RARB: variants seen among roughly 807,000 people sequenced by gnomAD.
RARB encodes HBV-activated protein.
A neutral mutation model predicts 51.9 loss-of-function variants in RARB; 17 were observed. The ratio of observed to expected loss-of-function variants is 0.33; its 90% CI spans 0.22 to 0.49. RARB has a LOEUF of 0.49. RARB is among the 20% of genes least tolerant of loss of function. RARB has a pLI of 0.99. For synonymous variants in RARB, 215 were observed against 195.4 expected, an observed-to-expected ratio of 1.10 and a Z score of -0.84; for missense variants, 369 against 550.8, an observed-to-expected ratio of 0.67 and a Z score of 3.30.
rs565670632 is a variant in RARB, at chr3:25,597,759, T to C, written c.*1143T>C. On this transcript the variant is annotated 3_prime_UTR_variant, in exon 8 of 8. Coordinates refer to ENST00000330688, the MANE Select transcript of RARB (RefSeq NM_000965.5). ...ACAAGTGTCAGTTTCTTAGTTCTCA[T>C]TTAAGCACTAGTGGAATTTTTTTTT... The C allele has an allele frequency of 6.7e-6, 1 of 149,128 alleles. No individual in the cohort carries two copies. Among genetic ancestry groups the C allele is most frequent in the Non-Finnish European group, 1.5e-5 (1 of 67,310 alleles). 9.2% of individuals were successfully genotyped at this position (149,128 alleles called of 1,614,324 possible). A position where few individuals can be genotyped will look rare whatever the true frequency, so the allele number is the denominator to read the frequency against.
intron 3 of RARB, among the ~76,000 whole-genome samples, chr3:25,505,129 A>G (rs1157782471): frequency 1.3e-5 from 2 of 152,072 alleles, no homozygotes; most frequent in Non-Finnish European, 2.9e-5. Flanking sequence ...TAACAACCCT[A>G]TGAGATAGAT....
At chr3:25,003,827 C>G (rs1575114376) in intron 2 of RARB, among the ~76,000 whole-genome samples, 2 of 152,138 alleles carry the variant, frequency 1.3e-5, no homozygotes, top group South Asian at 4.1e-4. Context: ...AGTTTACTTC[C>G]ATTTTCACTG....
chr3:25,594,032 C>T (rs1158869976), intron 6 of RARB, among the ~76,000 whole-genome samples: 1 of 152,148 alleles, frequency 6.6e-6, no homozygotes, highest in South Asian at 2.1e-4. Flanking sequence ...CTTGTATGTG[C>T]TGTTTGTTAT....
chr3:24,933,278 A>G (rs921523901), intron 2 of RARB, among the ~76,000 whole-genome samples: 5 of 147,086 alleles, frequency 3.4e-5, no homozygotes, highest in African/African-American at 4.9e-5. Flanking sequence ...ATATTTCACT[A>G]TACATTTTTT....
intron 5 of RARB, among the ~76,000 whole-genome samples, chr3:25,386,134 CACAA>C (rs1287425798): frequency 1.3e-5 from 2 of 152,106 alleles, no homozygotes; most frequent in Admixed American, 1.3e-4. Flanking sequence ...ACACCAGGGA[CACAA>C]ACAGAGCTGT....
chr3:25,430,732 T>C (rs765768918), intron 1 of RARB, among the ~76,000 whole-genome samples: 18 of 152,312 alleles, frequency 1.2e-4, no homozygotes, highest in Non-Finnish European at 2.4e-4. Context: ...GAAACTTGCA[T>C]TAGACAAAGT....
intron 5 of RARB, among the ~76,000 whole-genome samples, chr3:25,201,578 A>G (rs1388149744): frequency 6.6e-6 from 1 of 152,162 alleles, no homozygotes; most frequent in African/African-American, 2.4e-5. Flanking sequence ...TGTCATAAAT[A>G]GCTCTTATTA....
intron 3 of RARB, among the ~76,000 whole-genome samples, chr3:25,566,671 G>A (rs939094312): frequency 6.6e-6 from 1 of 152,078 alleles, no homozygotes; most frequent in Non-Finnish European, 1.5e-5. Flanking sequence ...CCTCTCTCCT[G>A]GTAACCCTCT....
intron 5 of RARB, among the ~76,000 whole-genome samples, chr3:25,380,265 G>T (rs545795495): frequency 6.6e-6 from 1 of 152,102 alleles, no homozygotes; most frequent in South Asian, 2.1e-4. Flanking sequence ...CCAGCCCTCA[G>T]ACTAGAGCTG....
chr3:25,140,635 A>G (rs768233829), intron 4 of RARB, among the ~76,000 whole-genome samples: 2 of 152,260 alleles, frequency 1.3e-5, no homozygotes, highest in Non-Finnish European at 2.9e-5. Context: ...CCATAAACTT[A>G]GTTGATAAAG....
At chr3:24,921,622 G>A (rs890376880) in intron 2 of RARB, among the ~76,000 whole-genome samples, 3 of 152,116 alleles carry the variant, frequency 2.0e-5, no homozygotes, top group Non-Finnish European at 2.9e-5. Context: ...CAATCAGCGA[G>A]GAGGTCCCCC....
intron 2 of RARB, among the ~76,000 whole-genome samples, chr3:25,462,720 ATC>A (rs1695244445): frequency 6.6e-6 from 1 of 152,226 alleles, no homozygotes; most frequent in African/African-American, 2.4e-5. Context: ...TCCACCATGT[ATC>A]TCTGGGCAGT....
chr3:25,096,989 T>C (rs1490691189), intron 3 of RARB, among the ~76,000 whole-genome samples: 1 of 152,186 alleles, frequency 6.6e-6, no homozygotes, highest in Non-Finnish European at 1.5e-5. Context: ...TTTTTTCTGA[T>C]AGCCAAGAAT....
rs1369233454 is a variant in RARB at position 25,466,835 on chromosome 3, A to G, written c.306+5494A>G. 3.3e-5 allele frequency among the ~76,000 whole-genome samples: 5 copies of G among 152,368 alleles called. No individual in the cohort carries two copies. In the East Asian group the frequency reaches 7.7e-4, roughly 23 times the overall value. On this transcript the variant is annotated intron_variant, in intron 2 of 7. Coordinates refer to ENST00000330688, the MANE Select transcript of RARB (RefSeq NM_000965.5). ...GTAGATAATATGTACAAAAATGGGA[A>G]TGGCTATGTTTCAATAAAACTTTGT...
chr3:25,500,661 TAG>T (rs1289903263), intron 2 of RARB, among the ~76,000 whole-genome samples: 2 of 151,878 alleles, frequency 1.3e-5, no homozygotes, highest in Non-Finnish European at 2.9e-5. Context: ...TATTTTTTAG[TAG>T]AGACAGGGTT....
At chr3:25,363,666 A>G (rs1026375571) in intron 5 of RARB, among the ~76,000 whole-genome samples, 2 of 152,174 alleles carry the variant, frequency 1.3e-5, no homozygotes, top group African/African-American at 4.8e-5. Flanking sequence ...GAAGTAGCCT[A>G]CTAGACCGTT....
intron 1 of RARB, among the ~76,000 whole-genome samples, chr3:25,432,798 T>C (rs184172112): frequency 5.9e-4 from 90 of 152,320 alleles, no homozygotes; most frequent in African/African-American, 2.1e-3. Context: ...TCAAGGAATT[T>C]ATAATTTTTT....
At chr3:25,212,645 A>T (rs1222880951) in intron 5 of RARB, among the ~76,000 whole-genome samples, 2 of 152,214 alleles carry the variant, frequency 1.3e-5, no homozygotes, top group Non-Finnish European at 2.9e-5. Context: ...AATCTCATTA[A>T]TTCTGAGACA....
intron 5 of RARB, among the ~76,000 whole-genome samples, chr3:25,286,281 G>A (rs1483306977): frequency 6.6e-6 from 1 of 151,842 alleles, no homozygotes; most frequent in Non-Finnish European, 1.5e-5. Flanking sequence ...GCAGAGACGG[G>A]GTTTCACCGT....
Sources: gnomAD v4.1 joint callset for allele counts (sites outside exome capture counted in the v4.1 genomes callset) on GRCh38, gnomAD v4.1.1 for gene constraint, MANE v1.5 for transcripts, NCBI Gene and HGNC (gene_info 2026-07-23, HGNC 2026-07-21) for gene names.